The following TMEM135 variants were observed in gnomAD, a reference collection of about 807,000 sequenced individuals.
TMEM135 encodes peroxisomal membrane protein 52.
In TMEM135, 30 loss-of-function variants were observed where a neutral mutation model predicts 60.3. The observed-to-expected ratio is 0.50, with a 90% CI of 0.37 to 0.68. The LOEUF (loss-of-function observed/expected upper bound fraction) is 0.68, where lower values mean the gene tolerates loss of function less well. Ranked by LOEUF, TMEM135 falls within the 30% of genes least tolerant of loss-of-function variation. TMEM135 has a pLI of 0.00. For synonymous variants in TMEM135, 190 were observed against 186.7 expected (o/e 1.02, Z -0.14); for missense variants, 468 against 548.8 (o/e 0.85, Z 1.47).
intron 5 of TMEM135, among the ~76,000 whole-genome samples, chr11:87,170,817 T>A (rs1298368809): frequency 1.3e-5 from 2 of 152,160 alleles, no homozygotes; most frequent in African/African-American, 2.4e-5. Context: ...GCTCCAGTGC[T>A]GTGCTGGGCG....
intron 3 of TMEM135, among the ~76,000 whole-genome samples, chr11:87,086,899 C>G (rs1425527487): frequency 6.6e-6 from 1 of 152,182 alleles, no homozygotes; most frequent in African/African-American, 2.4e-5. Flanking sequence ...TGACTGCCTC[C>G]TGCTGCTATC....
chr11:87,241,707 T>C (rs1941139061), intron 6 of TMEM135, among the ~76,000 whole-genome samples: 1 of 152,018 alleles, frequency 6.6e-6, no homozygotes, highest in Admixed American at 6.6e-5. Flanking sequence ...CTACTGTCTA[T>C]CTCCATGAGT....
chr11:87,214,979 G>A (rs963669758), intron 5 of TMEM135, among the ~76,000 whole-genome samples: 4 of 152,026 alleles, frequency 2.6e-5, no homozygotes, highest in Non-Finnish European at 4.4e-5. Context: ...TGTATTGAAT[G>A]TTTAAGATCA....
At chr11:87,289,690 A>G in intron 6 of TMEM135, among the ~76,000 whole-genome samples, 1 of 152,044 alleles carries the variant, frequency 6.6e-6, no homozygotes. Context: ...TCCTGACCTC[A>G]GGTAATCCGC....
intron 5 of TMEM135, among the ~76,000 whole-genome samples, chr11:87,169,261 C>G (rs1441916657): frequency 6.8e-6 from 1 of 147,210 alleles, no homozygotes; most frequent in Non-Finnish European, 1.5e-5. Context: ...ATCTAGTTTG[C>G]CAGTCTGTGT....
intron 5 of TMEM135, among the ~76,000 whole-genome samples, chr11:87,218,439 C>G (rs983321642): frequency 4.6e-5 from 7 of 152,146 alleles, no homozygotes; most frequent in Admixed American, 4.6e-4. Context: ...TAGACCTATC[C>G]TCACTAATGA....
chr11:87,224,215 A>G (rs1350419390), intron 5 of TMEM135, among the ~76,000 whole-genome samples: 1 of 152,196 alleles, frequency 6.6e-6, no homozygotes, highest in Non-Finnish European at 1.5e-5. Context: ...TTTTTCTTGA[A>G]TTATGTATTG....
At chr11:87,286,777 T>G (rs1212376784) in intron 6 of TMEM135, among the ~76,000 whole-genome samples, 1 of 152,250 alleles carries the variant, frequency 6.6e-6, no homozygotes, top group Non-Finnish European at 1.5e-5. Flanking sequence ...TTGTATTCAC[T>G]CTGATTAAAT....
chr11:87,319,262 C>T, intron 13 of TMEM135, 48 bp from the exon 14 acceptor site: 1 of 1,433,038 alleles, frequency 7.0e-7, no homozygotes, highest in Non-Finnish European at 9.8e-7. Flanking sequence ...TCATCACTTT[C>T]AGTTTTCATT....
chr11:87,309,807 T>A, intron 10 of TMEM135, 135 bp downstream of exon 10: 1 of 941,868 alleles, frequency 1.1e-6, no homozygotes, highest in Non-Finnish European at 1.6e-6. Flanking sequence ...CATAACCAAA[T>A]CTATACAATA....
rs531793827 is a variant in TMEM135 at position 87,161,161 on chromosome 11, G to A, written c.462+3755G>A. ...GATCTGCCCTCTTCCGCCTCCCAAA[G>A]TGTTGGAATTACAGGCATGAGCCGC... On this transcript the variant is annotated intron_variant, in intron 5 of 14. Transcript: ENST00000305494. Among the ~76,000 whole-genome samples, 5 of 152,288 alleles carry A rather than the reference G, an allele frequency of 3.3e-5. No homozygotes were observed. The East Asian group carries it at 9.7e-4, about 29-fold the overall frequency.
intron 6 of TMEM135, among the ~76,000 whole-genome samples, chr11:87,270,452 G>A (rs1334155992): frequency 6.6e-6 from 1 of 152,136 alleles, no homozygotes; most frequent in Admixed American, 6.5e-5. Context: ...GAAGGGGAAT[G>A]TGTTAAAAAA....
At position 87,321,381 on chromosome 11, in the gene TMEM135, T is replaced by G; in HGVS notation, c.*48T>G. On this transcript the variant is annotated 3_prime_UTR_variant, in exon 15 of 15. Coordinates refer to ENST00000305494, the MANE Select transcript of TMEM135 (RefSeq NM_022918.4). ...TGACTAAATGTTTCATCTTGAAGAG[T>G]TAATTATGTTGAACACAAAGGAGGG... 6.2e-7 allele frequency: 1 copy of G among 1,606,932 alleles called. No homozygotes were observed. The highest frequency in any genetic ancestry group is 1.7e-5 in the Admixed American group (1 of 59,886).
At chr11:87,058,810 C>T (rs530247699) in intron 1 of TMEM135, among the ~76,000 whole-genome samples, 9 of 150,998 alleles carry the variant, frequency 6.0e-5, no homozygotes, top group East Asian at 2.0e-4. Flanking sequence ...TTAGTAGAGA[C>T]GGGGTTTCAT....
At chr11:87,047,579 C>T (rs952197753) in intron 1 of TMEM135, among the ~76,000 whole-genome samples, 53 of 76,690 alleles carry the variant, frequency 6.9e-4, no homozygotes, top group Non-Finnish European at 8.5e-4. Context: ...AATCGGGTCA[C>T]TCCCACCGAA....
At chr11:87,120,777 A>G (rs1310420020) in intron 4 of TMEM135, among the ~76,000 whole-genome samples, 2 of 152,080 alleles carry the variant, frequency 1.3e-5, no homozygotes, top group Non-Finnish European at 2.9e-5. Context: ...ATTTTGTTTG[A>G]ACTAAAATAT....
intron 4 of TMEM135, among the ~76,000 whole-genome samples, chr11:87,102,649 A>T (rs1857481955): frequency 6.7e-6 from 1 of 149,604 alleles, no homozygotes; most frequent in Admixed American, 6.7e-5. Context: ...AATTGTATAC[A>T]TCTATGGGGT....
rs547374725 is a variant in TMEM135 at position 87,155,935 on chromosome 11, A to G, written c.397-1406A>G. Among the ~76,000 whole-genome samples the G allele has an allele frequency of 6.5e-4, 99 of 152,306 alleles. 1 individual carries two copies. In the Middle Eastern group the frequency reaches 0.02, roughly 31 times the overall value. Reference sequence around the variant, plus strand: ...AACCTTAGTGTCAGAAATTCTATCTATAGTAACAATGGGGATTCAAATGGA... The same window carrying G: ...AACCTTAGTGTCAGAAATTCTATCTGTAGTAACAATGGGGATTCAAATGGA... On this transcript the variant is annotated intron_variant, in intron 4 of 14. Transcript: ENST00000305494.
At chr11:87,124,439 G>C (rs1440292747) in intron 4 of TMEM135, among the ~76,000 whole-genome samples, 2 of 152,212 alleles carry the variant, frequency 1.3e-5, no homozygotes, top group African/African-American at 2.4e-5. Flanking sequence ...TCTTGTGCTG[G>C]ATCAAACTAC....
Sources: allele counts gnomAD v4.1 joint callset (sites outside exome capture counted in the v4.1 genomes callset), GRCh38; gene constraint gnomAD v4.1.1; transcripts MANE v1.5; gene names NCBI Gene and HGNC (gene_info 2026-07-23, HGNC 2026-07-21).